CYP2C19: variants seen among roughly 807,000 people sequenced by gnomAD.
CYP2C19 encodes cytochrome P450 family 2 subfamily C member 19.
A neutral mutation model predicts 40.9 loss-of-function variants in CYP2C19; 59 were observed. That is an observed-to-expected ratio of 1.44 (90% CI 1.17 to 1.79). CYP2C19 has a LOEUF of 1.79. CYP2C19 is among the 40% of genes most tolerant of loss of function. CYP2C19 has a pLI of 0.00. For synonymous variants in CYP2C19, 253 were observed against 208.7 expected (o/e 1.21, Z -1.83); for missense variants, 754 against 596.9 (o/e 1.26, Z -2.74).
intron 5 of CYP2C19, 48 bp from the exon 6 acceptor site, chr10:94,820,448 A>T (rs754335827): frequency 1.2e-6 from 2 of 1,604,824 alleles, no homozygotes; most frequent in African/African-American, 1.3e-5. Flanking sequence ...CTGTCATCAA[A>T]TATGCTGTTA....
At chr10:94,788,474 A>C (rs1848570389) in intron 5 of CYP2C19, among the ~76,000 whole-genome samples, 1 of 152,070 alleles carries the variant, frequency 6.6e-6, no homozygotes, top group African/African-American at 2.4e-5. Context: ...GTATATACGC[A>C]CCATGGTGGT....
At chr10:94,767,780 CCTT>C (rs1261765140) in intron 1 of CYP2C19, among the ~76,000 whole-genome samples, 1 of 152,092 alleles carries the variant, frequency 6.6e-6, no homozygotes, top group East Asian at 1.9e-4. Context: ...AAGTACCTGT[CCTT>C]CTTCTGTCAT....
At chr10:94,774,833 T>G in intron 1 of CYP2C19, 1 of 556,238 alleles carries the variant, frequency 1.8e-6, no homozygotes, top group Non-Finnish European at 3.2e-6. Context: ...GAGGGTTAAT[T>G]GTAATCTGTG....
intron 6 of CYP2C19, among the ~76,000 whole-genome samples, chr10:94,824,706 G>A (rs1362276771): frequency 6.6e-6 from 1 of 151,704 alleles, no homozygotes; most frequent in African/African-American, 2.4e-5. Flanking sequence ...TGCACATTGT[G>A]CAGGTTAGTT....
intron 5 of CYP2C19, among the ~76,000 whole-genome samples, chr10:94,809,530 C>T (rs1264515962): frequency 6.6e-6 from 1 of 152,062 alleles, no homozygotes; most frequent in African/African-American, 2.4e-5. Context: ...GATTTTCTCT[C>T]TTCCTGTTTG....
At chr10:94,784,471 T>A (rs1848516630) in intron 5 of CYP2C19, among the ~76,000 whole-genome samples, 1 of 152,244 alleles carries the variant, frequency 6.6e-6, no homozygotes, top group African/African-American at 2.4e-5. Flanking sequence ...AAGAGCCAAA[T>A]TTTTCTACAG....
intron 5 of CYP2C19, among the ~76,000 whole-genome samples, chr10:94,787,851 CTCT>C (rs1424657231): frequency 1.3e-5 from 2 of 151,816 alleles, no homozygotes; most frequent in Non-Finnish European, 2.9e-5. Flanking sequence ...GCTACTTGGG[CTCT>C]TCTTTGGTTT....
chr10:94,767,036 A>G (rs1848255073), intron 1 of CYP2C19, among the ~76,000 whole-genome samples: 1 of 152,132 alleles, frequency 6.6e-6, no homozygotes, highest in African/African-American at 2.4e-5. Context: ...AAGAAGTTAT[A>G]TCTTTGACCA....
chr10:94,847,635 C>T lies in CYP2C19; in HGVS notation c.1150-2282C>T, dbSNP rs375968630. On this transcript the variant is annotated intron_variant, in intron 7 of 8. Coordinates refer to ENST00000371321, the MANE Select transcript of CYP2C19 (RefSeq NM_000769.4). ...GTCAAGCGGTATTTCTAGTTCTAGACCCCTGAGGAATCACCACACTGACTT... is the reference window on the plus strand; with the variant it reads ...GTCAAGCGGTATTTCTAGTTCTAGATCCCTGAGGAATCACCACACTGACTT... Among the ~76,000 whole-genome samples the T allele has an allele frequency of 5.9e-5, 9 of 152,166 alleles. No homozygotes were observed. In the South Asian group the frequency reaches 1.2e-3, roughly 21 times the overall value.
At chr10:94,846,417 G>C (rs1459457570) in intron 7 of CYP2C19, among the ~76,000 whole-genome samples, 2 of 152,178 alleles carry the variant, frequency 1.3e-5, no homozygotes, top group African/African-American at 4.8e-5. Context: ...TACTGGTTAT[G>C]CTAAGATCCT....
intron 5 of CYP2C19, among the ~76,000 whole-genome samples, chr10:94,796,982 T>C (rs1309184226): frequency 6.6e-6 from 1 of 152,140 alleles, no homozygotes; most frequent in Non-Finnish European, 1.5e-5. Flanking sequence ...TTACCCTTAA[T>C]TTCTTTCTCC....
chr10:94,776,718 G>A (rs966478851), intron 3 of CYP2C19, among the ~76,000 whole-genome samples: 1 of 152,104 alleles, frequency 6.6e-6, no homozygotes, highest in Non-Finnish European at 1.5e-5. Context: ...AAATCTGGAA[G>A]TATTCCCTTT....
At chr10:94,795,343 TTAAGGCTGCATAGTA>T (rs1312099572) in intron 5 of CYP2C19, among the ~76,000 whole-genome samples, 1 of 152,006 alleles carries the variant, frequency 6.6e-6, no homozygotes, top group Non-Finnish European at 1.5e-5. Flanking sequence ...TCATCCTTTT[TTAAGGCTGCATAGTA>T]TTCCATGGTG....
In CYP2C19 at chr10:94,775,450, T is replaced by C. The variant is rs371309036; in HGVS notation, c.392T>C (p.Leu131Pro). Residue 131 changes from leucine to proline, a missense_variant, in exon 3 of 9, where the codon CTG becomes CCG. Leu to Pro is a moderately conservative substitution (Grantham distance 98, BLOSUM62 -3). Coordinates refer to ENST00000371321, the MANE Select transcript of CYP2C19 (RefSeq NM_000769.4). The part of the protein sequence containing the change: ...KEIRRFSLMT[L>P]RNFGMGKRSI... Reference sequence around the variant, plus strand: ...ATCCGGCGTTTCTCCCTCATGACGCTGCGGAATTTTGGGATGGGGAAGAGG... The same window carrying C: ...ATCCGGCGTTTCTCCCTCATGACGCCGCGGAATTTTGGGATGGGGAAGAGG... 14 of 1,613,932 alleles carry C rather than the reference T, an allele frequency of 8.7e-6. No individual in the cohort carries two copies. Among genetic ancestry groups the C allele is most frequent in the Non-Finnish European group, 1.1e-5 (13 of 1,180,012 alleles).
At chr10:94,821,149 A>C (rs1261125187) in intron 6 of CYP2C19, among the ~76,000 whole-genome samples, 1 of 152,202 alleles carries the variant, frequency 6.6e-6, no homozygotes, top group Non-Finnish European at 1.5e-5. Context: ...AGAGGAAGAT[A>C]ACTGAGAGAA....
intron 7 of CYP2C19, among the ~76,000 whole-genome samples, chr10:94,844,141 T>C (rs1849538687): frequency 6.6e-6 from 1 of 152,204 alleles, no homozygotes; most frequent in Non-Finnish European, 1.5e-5. Context: ...TTTCCTAATG[T>C]GAGTCTGTTT....
At chr10:94,835,087 AT>A (rs1849382431) in intron 6 of CYP2C19, among the ~76,000 whole-genome samples, 1 of 152,174 alleles carries the variant, frequency 6.6e-6, no homozygotes. Context: ...GATCTTAGCC[AT>A]GGACTGCATC....
intron 5 of CYP2C19, among the ~76,000 whole-genome samples, chr10:94,801,137 A>G (rs1848759103): frequency 6.6e-6 from 1 of 152,056 alleles, no homozygotes; most frequent in Non-Finnish European, 1.5e-5. Flanking sequence ...AGCTGTTCCT[A>G]TTTGGCCATC....
At chr10:94,763,355 A>G (rs1049024105) in intron 1 of CYP2C19, among the ~76,000 whole-genome samples, 1 of 152,188 alleles carries the variant, frequency 6.6e-6, no homozygotes, top group Admixed American at 6.5e-5. Context: ...TAAGCGGTAG[A>G]TAAGAAGTTA....
Sources: gnomAD v4.1 joint callset for allele counts (sites outside exome capture counted in the v4.1 genomes callset) on GRCh38, gnomAD v4.1.1 for gene constraint, MANE v1.5 for transcripts, NCBI Gene and HGNC (gene_info 2026-07-23, HGNC 2026-07-21) for gene names.